The following MARK3 variants were observed in gnomAD, a reference collection of about 807,000 sequenced individuals.
The protein encoded by MARK3 is microtubule affinity regulating kinase 3.
A neutral mutation model predicts 90.1 loss-of-function variants in MARK3; 46 were observed. That is an observed-to-expected ratio of 0.51 (90% CI 0.40 to 0.65). The LOEUF (loss-of-function observed/expected upper bound fraction) is 0.65. Among genes scored for constraint, MARK3 ranks in the 30% least tolerant of loss-of-function variants. The pLI is 0.00. For missense variants in MARK3, 818 were observed against 947.2 expected, an observed-to-expected ratio of 0.86 and a Z score of 1.79; for synonymous variants, 321 against 332.6, an observed-to-expected ratio of 0.97 and a Z score of 0.38.
chr14:103,462,872 A>T (rs1167690674), intron 7 of MARK3, among the ~76,000 whole-genome samples: 1 of 152,202 alleles, frequency 6.6e-6, no homozygotes, highest in Non-Finnish European at 1.5e-5. Flanking sequence ...ACTCTGGCAT[A>T]GGATGAGGTT....
At chr14:103,499,953 C>G (rs575865069) in intron 16 of MARK3, 65 of 592,036 alleles carry the variant, frequency 1.1e-4, no homozygotes, top group African/African-American at 1.1e-3. Flanking sequence ...CCCCTGTGCA[C>G]ACCCCTGCAG....
intron 5 of MARK3, among the ~76,000 whole-genome samples, chr14:103,452,975 T>C (rs1410002811): frequency 6.6e-6 from 1 of 152,226 alleles, no homozygotes; most frequent in South Asian, 2.1e-4. Context: ...GAAACAAATG[T>C]GTGCTTTGGT....
At chr14:103,402,495 T>G (rs1206614580) in intron 1 of MARK3, among the ~76,000 whole-genome samples, 1 of 151,046 alleles carries the variant, frequency 6.6e-6, no homozygotes, top group Non-Finnish European at 1.5e-5. Flanking sequence ...GAGGTTGCAG[T>G]GAGCTGAGAT....
chr14:103,401,503 T>C (rs930920069), intron 1 of MARK3, among the ~76,000 whole-genome samples: 1 of 152,194 alleles, frequency 6.6e-6, no homozygotes, highest in East Asian at 1.9e-4. Flanking sequence ...CCGTGGAAAC[T>C]GATCTCCATG....
At chr14:103,425,461 C>A (rs945126907) in intron 2 of MARK3, among the ~76,000 whole-genome samples, 1 of 151,950 alleles carries the variant, frequency 6.6e-6, no homozygotes, top group Non-Finnish European at 1.5e-5. Context: ...CGGGGTTTCA[C>A]CATGTTGGCC....
intron 2 of MARK3, among the ~76,000 whole-genome samples, chr14:103,412,935 C>T (rs1199883476): frequency 2.0e-5 from 3 of 150,296 alleles, no homozygotes; most frequent in Non-Finnish European, 4.4e-5. Context: ...AGTGCAGTGG[C>T]GTGATCTCAG....
intron 2 of MARK3, among the ~76,000 whole-genome samples, chr14:103,406,008 A>G (rs565263030): frequency 6.6e-6 from 1 of 152,106 alleles, no homozygotes; most frequent in South Asian, 2.1e-4. Flanking sequence ...CTCCCACCTC[A>G]GCCTCTCGAG....
Position 103,468,191 on chromosome 14 carries a change from G to A in MARK3, c.1264+5G>A. ...AAAGACGCTACAGTGACCATGGTAA[G>A]TTTTGGAGTATCCCAGTGCCTTCTC... On this transcript the variant is annotated splice_donor_5th_base_variant and intron_variant, in intron 12 of 17. Coordinates refer to ENST00000429436, the MANE Select transcript of MARK3 (RefSeq NM_001128918.3). 6.2e-7 allele frequency: 1 copy of A among 1,611,006 alleles called. No homozygotes were observed. The highest frequency in any genetic ancestry group is 8.5e-7 in the Non-Finnish European group (1 of 1,178,242).
chr14:103,503,027 T>C lies in MARK3; in HGVS notation c.2062T>C (p.Cys688Arg). The change falls in exon 18 of 18, where the codon TGC (cysteine) becomes CGC (arginine). Residue 688 changes from cysteine to arginine, a missense_variant. By Grantham distance (180) the Cys-to-Arg change is radical. Around this residue, in one of 3 missense-constraint regions of MARK3, gnomAD observed 560 missense variants for 613.5 expected, o/e 0.91. Coordinates refer to ENST00000429436, the MANE Select transcript of MARK3 (RefSeq NM_001128918.3). ...EIRKVLDANN[C>R]DYEQRERFLL... ...CCGCAAAGTGTTGGACGCCAATAAC[T>C]GCGACTATGAGCAGAGGGAGCGCTT... 6.2e-7 allele frequency: 1 copy of C among 1,614,246 alleles called. No homozygotes were observed. Among genetic ancestry groups the C allele is most frequent in the East Asian group, 2.2e-5 (1 of 44,892 alleles).
chr14:103,407,836 G>A (rs1690910981), intron 2 of MARK3, among the ~76,000 whole-genome samples: 1 of 152,130 alleles, frequency 6.6e-6, no homozygotes, highest in African/African-American at 2.4e-5. Context: ...TGGGATTGCA[G>A]GTGTAAGCCA....
At chr14:103,450,629 C>T (rs992685718) in intron 4 of MARK3, among the ~76,000 whole-genome samples, 2 of 152,048 alleles carry the variant, frequency 1.3e-5, no homozygotes, top group Non-Finnish European at 2.9e-5. Flanking sequence ...ACAGTCTGAA[C>T]GTATCAGAGT....
intron 2 of MARK3, among the ~76,000 whole-genome samples, chr14:103,409,091 A>T (rs930096756): frequency 6.6e-6 from 1 of 152,154 alleles, no homozygotes; most frequent in Non-Finnish European, 1.5e-5. Context: ...GATTTACATT[A>T]TCTAGAGTCT....
Position 103,503,023 on chromosome 14 carries a change from T to C in MARK3, c.2058T>C (p.Asn686=). 1 of 1,614,224 alleles carries C rather than the reference T, an allele frequency of 6.2e-7. No homozygotes were observed. The highest frequency in any genetic ancestry group is 8.5e-7 in the Non-Finnish European group (1 of 1,180,038). Residue 686 remains asparagine, a synonymous_variant, in exon 18 of 18, where the codon AAT becomes AAC. Transcript: ENST00000429436. ...AAATCCGCAAAGTGTTGGACGCCAATAACTGCGACTATGAGCAGAGGGAGC... is the reference window on the plus strand; with the variant it reads ...AAATCCGCAAAGTGTTGGACGCCAACAACTGCGACTATGAGCAGAGGGAGC... ...MREIRKVLDA[N]NCDYEQRERF... is the part of the protein sequence containing the mutation.
At chr14:103,498,627 T>A (rs1000801006) in intron 16 of MARK3, 99 bp downstream of exon 16, 29 of 1,132,508 alleles carry the variant, frequency 2.6e-5, no homozygotes, top group Non-Finnish European at 3.1e-5. Flanking sequence ...TTTTTCCTTA[T>A]AAACTAAACT....
chr14:103,421,638 C>T (rs1477951104), intron 2 of MARK3, among the ~76,000 whole-genome samples: 1 of 152,108 alleles, frequency 6.6e-6, no homozygotes, highest in Non-Finnish European at 1.5e-5. Flanking sequence ...TGAGTTTTTC[C>T]TTTTCCAAGC....
chr14:103,394,489 A>G (rs569660483), intron 1 of MARK3, among the ~76,000 whole-genome samples: 4 of 152,308 alleles, frequency 2.6e-5, no homozygotes, highest in African/African-American at 7.2e-5. Flanking sequence ...CGCTAGCACT[A>G]CACTCTAGCC....
chr14:103,475,197 C>T lies in MARK3; in HGVS notation c.1469C>T (p.Ser490Phe), dbSNP rs528980428. The change falls in exon 13 of 18, where the codon TCC (serine) becomes TTC (phenylalanine). Residue 490 changes from serine to phenylalanine, a missense_variant. By Grantham distance (155) the Ser-to-Phe change is radical. Transcript: ENST00000429436. The part of the protein sequence containing the change: ...KADIPERKKS[S>F]TVPSSNTASG... ...GATATTCCTGAACGCAAGAAAAGCT[C>T]CACTGTCCCTAGTGTAAGTGTTGTT... The T allele has an allele frequency of 1.2e-6, 2 of 1,613,108 alleles. No homozygotes were observed. The highest frequency in any genetic ancestry group is 1.3e-5 in the African/African-American group (1 of 75,000).
chr14:103,429,993 A>AT (rs2092532535), intron 3 of MARK3, among the ~76,000 whole-genome samples: 1 of 151,262 alleles, frequency 6.6e-6, no homozygotes, highest in African/African-American at 2.4e-5. Flanking sequence ...ATTTTATTTT[A>AT]TTTTTTTGGT....
chr14:103,463,072 C>G (rs1052416582), intron 7 of MARK3, among the ~76,000 whole-genome samples: 1 of 152,038 alleles, frequency 6.6e-6, no homozygotes, highest in Non-Finnish European at 1.5e-5. Context: ...CCTCTTTTCT[C>G]TCCGTTTGTT....
Sources: allele counts gnomAD v4.1 joint callset (sites outside exome capture counted in the v4.1 genomes callset), GRCh38; gene constraint gnomAD v4.1.1; regional missense constraint gnomAD v4.1.1; transcripts MANE v1.5; gene names NCBI Gene and HGNC (gene_info 2026-07-23, HGNC 2026-07-21).